The following CNTNAP2 variants were observed in gnomAD, a reference collection of about 807,000 sequenced individuals.
CNTNAP2 encodes contactin-associated protein-like 2.
CNTNAP2 carries 98 observed loss-of-function variants against 155.2 expected under a neutral mutation model. The ratio of observed to expected loss-of-function variants is 0.63; its 90% CI spans 0.54 to 0.75. CNTNAP2 has a LOEUF of 0.75. CNTNAP2 is among the 30% of genes least tolerant of loss of function. The pLI, the probability that CNTNAP2 is intolerant of heterozygous loss-of-function variation, is 0.00. For synonymous variants in CNTNAP2, 651 were observed against 631.2 expected (o/e 1.03, Z -0.47); for missense variants, 1,727 against 1,688.1 (o/e 1.02, Z -0.40).
chr7:146,209,638 A>G (rs976677498), intron 1 of CNTNAP2, among the ~76,000 whole-genome samples: 3 of 152,196 alleles, frequency 2.0e-5, no homozygotes, highest in Admixed American at 1.3e-4. Flanking sequence ...ATTTTTTACA[A>G]AAGTCAAATG....
At chr7:148,140,136 T>C (rs1805030436) in intron 16 of CNTNAP2, among the ~76,000 whole-genome samples, 1 of 152,230 alleles carries the variant, frequency 6.6e-6, no homozygotes, top group African/African-American at 2.4e-5. Flanking sequence ...CAGTACCAGA[T>C]GCTGAGTTTA....
At chr7:146,753,103 C>A (rs1563216796) in intron 1 of CNTNAP2, among the ~76,000 whole-genome samples, 1 of 152,056 alleles carries the variant, frequency 6.6e-6, no homozygotes, top group Non-Finnish European at 1.5e-5. Flanking sequence ...TCAGTTAAAT[C>A]TAAATAAATT....
intron 13 of CNTNAP2, among the ~76,000 whole-genome samples, chr7:147,782,508 ACT>A (rs1563087263): frequency 6.6e-6 from 1 of 152,168 alleles, no homozygotes; most frequent in African/African-American, 2.4e-5. Flanking sequence ...GTGGGAAGCC[ACT>A]CTCTACTTTA....
At chr7:148,087,741 G>A (rs1189547465) in intron 15 of CNTNAP2, among the ~76,000 whole-genome samples, 1 of 152,114 alleles carries the variant, frequency 6.6e-6, no homozygotes, top group African/African-American at 2.4e-5. Context: ...AAGTAGTAAA[G>A]AGTAGTAGAG....
intron 15 of CNTNAP2, among the ~76,000 whole-genome samples, chr7:148,060,809 T>C (rs1482802066): frequency 6.6e-6 from 1 of 152,180 alleles, no homozygotes; most frequent in Non-Finnish European, 1.5e-5. Context: ...TAGTTAAGTA[T>C]AGGCTCTGCT....
At chr7:146,445,660 T>C (rs973525702) in intron 1 of CNTNAP2, among the ~76,000 whole-genome samples, 4 of 152,154 alleles carry the variant, frequency 2.6e-5, no homozygotes, top group Non-Finnish European at 5.9e-5. Flanking sequence ...TATCAAGACA[T>C]TTTCCCAATA....
chr7:146,520,160 A>C (rs1797596967), intron 1 of CNTNAP2, among the ~76,000 whole-genome samples: 1 of 151,326 alleles, frequency 6.6e-6, no homozygotes, highest in African/African-American at 2.4e-5. Flanking sequence ...ATGAATAAAA[A>C]AGATATATCC....
chr7:148,263,736 C>CAAAAAA (rs112362809), intron 20 of CNTNAP2, among the ~76,000 whole-genome samples: 5 of 108,208 alleles, frequency 4.6e-5, no homozygotes, highest in African/African-American at 1.5e-4. Flanking sequence ...GACTCAGTCC[C>CAAAAAA]AAAAAAAAAA....
intron 1 of CNTNAP2, among the ~76,000 whole-genome samples, chr7:146,419,987 G>T (rs1350748083): frequency 6.6e-6 from 1 of 152,068 alleles, no homozygotes; most frequent in Admixed American, 6.6e-5. Context: ...GCCTGCAAAA[G>T]TCTTTCCATA....
At chr7:147,306,697 C>G (rs965769245) in intron 9 of CNTNAP2, among the ~76,000 whole-genome samples, 2 of 152,174 alleles carry the variant, frequency 1.3e-5, no homozygotes, top group African/African-American at 4.8e-5. Flanking sequence ...CCAGCTAAGA[C>G]TTGGGGTTAG....
intron 12 of CNTNAP2, among the ~76,000 whole-genome samples, chr7:147,625,135 G>C (rs1794944703): frequency 6.6e-6 from 1 of 152,134 alleles, no homozygotes; most frequent in African/African-American, 2.4e-5. Context: ...GCAGGGGGAA[G>C]TGGGGATGGT....
intron 10 of CNTNAP2, among the ~76,000 whole-genome samples, chr7:147,436,439 A>T (rs1797549061): frequency 6.6e-6 from 1 of 152,216 alleles, no homozygotes; most frequent in Admixed American, 6.5e-5. Context: ...TGGCCTGAGA[A>T]AATCCACTTA....
chr7:148,390,639 A>G (rs1799325231), intron 22 of CNTNAP2, among the ~76,000 whole-genome samples: 1 of 152,214 alleles, frequency 6.6e-6, no homozygotes, highest in South Asian at 2.1e-4. Context: ...AATTGAAGAC[A>G]TCTACCCATA....
rs548750801 is a variant in CNTNAP2 at position 147,391,713 on chromosome 7, T to G, written c.1499-3896T>G. Among the ~76,000 whole-genome samples, 5 of 152,206 alleles carry G rather than the reference T, an allele frequency of 3.3e-5. No homozygotes were observed. In the South Asian group the frequency reaches 1.0e-3, roughly 32 times the overall value. ...ATAAAAATAAGCTCTTTAGAGGGTC[T>G]TCTGTCTCATGGAGTGTCTCCCTGA... On this transcript the variant is annotated intron_variant, in intron 9 of 23. Coordinates refer to ENST00000361727, the MANE Select transcript of CNTNAP2 (RefSeq NM_014141.6).
intron 13 of CNTNAP2, among the ~76,000 whole-genome samples, chr7:147,866,938 G>T (rs903969810): frequency 6.6e-6 from 1 of 152,080 alleles, no homozygotes; most frequent in African/African-American, 2.4e-5. Flanking sequence ...GGGGCTTTTA[G>T]CCCATTTACA....
intron 1 of CNTNAP2, among the ~76,000 whole-genome samples, chr7:146,464,720 A>G (rs952862501): frequency 6.6e-6 from 1 of 152,134 alleles, no homozygotes; most frequent in Non-Finnish European, 1.5e-5. Flanking sequence ...CGAGTGCTTC[A>G]TAAATGAGCA....
intron 21 of CNTNAP2, among the ~76,000 whole-genome samples, chr7:148,267,334 A>G (rs961700142): frequency 1.3e-5 from 2 of 152,088 alleles, no homozygotes; most frequent in African/African-American, 4.8e-5. Context: ...CATGTAACTC[A>G]TTCTAAAGCT....
At chr7:146,469,372 G>A (rs75219492) in intron 1 of CNTNAP2, among the ~76,000 whole-genome samples, 2,710 of 150,586 alleles carry the variant, frequency 0.018, 48 homozygotes, top group African/African-American at 0.044. Context: ...AGAAAATGTT[G>A]GAAGCATTAA....
chr7:148,221,475 C>G (rs1795746845), intron 19 of CNTNAP2, among the ~76,000 whole-genome samples: 3 of 152,090 alleles, frequency 2.0e-5, no homozygotes, highest in Admixed American at 6.6e-5. Flanking sequence ...TCTTGGAAGG[C>G]AAAGCTGGGT....
Sources: gnomAD v4.1 joint callset for allele counts (sites outside exome capture counted in the v4.1 genomes callset) on GRCh38, gnomAD v4.1.1 for gene constraint, MANE v1.5 for transcripts, NCBI Gene and HGNC (gene_info 2026-07-23, HGNC 2026-07-21) for gene names.